GALNT13: variants seen among roughly 807,000 people sequenced by gnomAD.
GALNT13 encodes the protein UDP-GalNAc:polypeptide N-acetylgalactosaminyltransferase 13.
Under a neutral mutation model 64.2 loss-of-function variants are expected in GALNT13, and 28 were observed. That is an observed-to-expected ratio of 0.44 (90% CI 0.32 to 0.60). The LOEUF is 0.60. Among genes scored for constraint, GALNT13 ranks in the 20% least tolerant of loss-of-function variants. The probability of loss-of-function intolerance (pLI) is 0.05; values close to 1 mark genes in which losing one functional copy is unlikely to be tolerated. For missense variants in GALNT13, 577 were observed against 669.8 expected (o/e 0.86, Z 1.53); for synonymous variants, 214 against 224.6 (o/e 0.95, Z 0.42).
At chr2:153,959,462 A>G (rs72865086) in intron 3 of GALNT13, among the ~76,000 whole-genome samples, 10,809 of 152,362 alleles carry the variant, frequency 0.071, 452 homozygotes, top group Middle Eastern at 0.13. Flanking sequence ...ATTTTAAGGC[A>G]TAAATCATTT....
the GALNT13 span, among the ~76,000 whole-genome samples, chr2:153,654,181 A>C: frequency 6.6e-6 from 1 of 152,156 alleles, no homozygotes; most frequent in Non-Finnish European, 1.5e-5. Flanking sequence ...TCCTAAAGAA[A>C]TGCAGAAAAC....
chr2:154,160,496 A>G (rs1684668629), intron 4 of GALNT13, among the ~76,000 whole-genome samples: 1 of 152,062 alleles, frequency 6.6e-6, no homozygotes, highest in African/African-American at 2.4e-5. Context: ...TACTTCTTCA[A>G]CCACTGACTT....
chr2:154,044,432 G>A (rs1019859999), intron 3 of GALNT13, among the ~76,000 whole-genome samples: 7 of 152,208 alleles, frequency 4.6e-5, no homozygotes, highest in Non-Finnish European at 7.4e-5. Context: ...TGTCAGTCAT[G>A]TAGCAAGATG....
At chr2:154,216,224 T>A (rs1335755536) in intron 4 of GALNT13, among the ~76,000 whole-genome samples, 4 of 152,056 alleles carry the variant, frequency 2.6e-5, no homozygotes, top group Admixed American at 2.0e-4. Context: ...ATTTGACATT[T>A]AAGATTAGAT....
chr2:153,148,932 A>G, the GALNT13 span, among the ~76,000 whole-genome samples: 1 of 151,828 alleles, frequency 6.6e-6, no homozygotes, highest in Admixed American at 6.6e-5. Flanking sequence ...GGACTGTGGT[A>G]AGTTAAAGAT....
chr2:154,374,031 G>A (rs1011500113), intron 9 of GALNT13, among the ~76,000 whole-genome samples: 1 of 152,178 alleles, frequency 6.6e-6, no homozygotes, highest in African/African-American at 2.4e-5. Flanking sequence ...AACTGAGACA[G>A]TTCACCAGTT....
chr2:154,090,311 G>A (rs563267139), intron 3 of GALNT13, among the ~76,000 whole-genome samples: 1 of 152,162 alleles, frequency 6.6e-6, no homozygotes, highest in Admixed American at 6.6e-5. Context: ...ATTTTAACCT[G>A]TAATGTCAGC....
chr2:153,873,042 CTCTT>C (rs1373088977), intron 1 of GALNT13, among the ~76,000 whole-genome samples: 3 of 152,180 alleles, frequency 2.0e-5, no homozygotes, highest in Non-Finnish European at 4.4e-5. Context: ...AACATTTGTT[CTCTT>C]TCTGTGTCTG....
At chr2:153,529,842 A>G in the GALNT13 span, among the ~76,000 whole-genome samples, 40 of 152,008 alleles carry the variant, frequency 2.6e-4, no homozygotes, top group Non-Finnish European at 5.3e-4. Flanking sequence ...AAGCATTTGA[A>G]AAGTTAAACA....
the GALNT13 span, among the ~76,000 whole-genome samples, chr2:153,153,196 T>C: frequency 6.6e-5 from 10 of 151,990 alleles, no homozygotes; most frequent in South Asian, 1.9e-3. Flanking sequence ...GCCACATGCA[T>C]ATCTCCTTTT....
the GALNT13 span, among the ~76,000 whole-genome samples, chr2:153,221,722 T>A: frequency 6.6e-6 from 1 of 151,354 alleles, no homozygotes; most frequent in African/African-American, 2.4e-5. Flanking sequence ...GAGAATGGAG[T>A]CCAGCCACTG....
At chr2:154,004,266 T>C (rs7595813) in intron 3 of GALNT13, among the ~76,000 whole-genome samples, 116,146 of 151,712 alleles carry the variant, frequency 0.77, 44,854 homozygotes, top group East Asian at 0.96. Flanking sequence ...AGTGCAGTGG[T>C]GTGATCTCAG....
the GALNT13 span, among the ~76,000 whole-genome samples, chr2:153,363,650 T>C: frequency 2.6e-5 from 4 of 152,126 alleles, no homozygotes; most frequent in African/African-American, 9.7e-5. Flanking sequence ...ATGGATAAAT[T>C]CCTGGACATA....
At chr2:153,641,983 T>C in the GALNT13 span, among the ~76,000 whole-genome samples, 2 of 152,048 alleles carry the variant, frequency 1.3e-5, no homozygotes, top group East Asian at 3.9e-4. Context: ...AGCATTTTGC[T>C]TCAATCATAT....
At chr2:153,666,993 A>G in the GALNT13 span, among the ~76,000 whole-genome samples, 1 of 152,248 alleles carries the variant, frequency 6.6e-6, no homozygotes, top group South Asian at 2.1e-4. Context: ...ATTTTATAAT[A>G]CAATTAGTAT....
intron 3 of GALNT13, among the ~76,000 whole-genome samples, chr2:154,043,414 T>TTATATATATATATATA (rs1179722579): frequency 1.3e-5 from 1 of 78,260 alleles, no homozygotes; most frequent in Non-Finnish European, 2.3e-5. Context: ...ATAAGGACTT[T>TTATATATATATATATA]TATATATATA....
chr2:153,889,821 A>G (rs1440688958), intron 1 of GALNT13, among the ~76,000 whole-genome samples: 1 of 152,034 alleles, frequency 6.6e-6, no homozygotes, highest in African/African-American at 2.4e-5. Context: ...ATGCAAGATC[A>G]GGCACTTCCA....
chr2:153,816,521 G>A, the GALNT13 span, among the ~76,000 whole-genome samples: 1 of 152,200 alleles, frequency 6.6e-6, no homozygotes, highest in East Asian at 1.9e-4. Context: ...AGGCACAGCT[G>A]CTGCCACATT....
intron 3 of GALNT13, among the ~76,000 whole-genome samples, chr2:153,962,342 CAT>C (rs1436567656): frequency 6.6e-6 from 1 of 152,086 alleles, no homozygotes; most frequent in Non-Finnish European, 1.5e-5. Flanking sequence ...ATAGACGTAT[CAT>C]GTGGAGTATG....
Sources: gnomAD v4.1 joint callset for allele counts (sites outside exome capture counted in the v4.1 genomes callset) on GRCh38, gnomAD v4.1.1 for gene constraint, MANE v1.5 for transcripts, NCBI Gene and HGNC (gene_info 2026-07-23, HGNC 2026-07-21) for gene names.